Variants in TASP1 observed in about 807,000 individuals in gnomAD.
TASP1 encodes taspase 1, also known as threonine aspartase 1.
A neutral mutation model predicts 56.6 loss-of-function variants in TASP1; 16 were observed. The observed-to-expected ratio is 0.28, with a 90% confidence interval of 0.19 to 0.43. TASP1 has a LOEUF of 0.43. Among genes scored for constraint, TASP1 ranks in the 20% least tolerant of loss-of-function variants. The pLI is 1.00. For synonymous variants in TASP1, 179 were observed against 184.2 expected (o/e 0.97, Z 0.23); for missense variants, 393 against 511.6 (o/e 0.77, Z 2.24).
At chr20:13,370,017 TTA>T in the TASP1 span, among the ~76,000 whole-genome samples, 1 of 152,188 alleles carries the variant, frequency 6.6e-6, no homozygotes, top group Non-Finnish European at 1.5e-5. Context: ...AGTTCTGTTT[TTA>T]TTCTGCCTCA....
intron 8 of TASP1, among the ~76,000 whole-genome samples, chr20:13,547,115 A>G (rs2045835634): frequency 1.3e-5 from 2 of 152,214 alleles, no homozygotes; most frequent in South Asian, 4.1e-4. Context: ...GAGTAAAGGC[A>G]CTATTTCTAG....
At chr20:13,289,324 C>T in the TASP1 span, among the ~76,000 whole-genome samples, 1 of 152,188 alleles carries the variant, frequency 6.6e-6, no homozygotes, top group South Asian at 2.1e-4. Context: ...GGATGAGAGG[C>T]TTGACAACCA....
At chr20:13,124,784 G>C in the TASP1 span, among the ~76,000 whole-genome samples, 1 of 152,170 alleles carries the variant, frequency 6.6e-6, no homozygotes, top group Non-Finnish European at 1.5e-5. Context: ...ATACCTAAGA[G>C]AGATGGAAAA....
chr20:13,235,620 C>G, the TASP1 span, among the ~76,000 whole-genome samples: 2 of 152,186 alleles, frequency 1.3e-5, no homozygotes, highest in African/African-American at 4.8e-5. Flanking sequence ...ATGGGTTGCT[C>G]TGGCAGCACA....
chr20:13,365,766 G>T, the TASP1 span, among the ~76,000 whole-genome samples: 89 of 152,300 alleles, frequency 5.8e-4, no homozygotes, highest in African/African-American at 1.9e-3. Flanking sequence ...TCGACTGAAT[G>T]GAAAACCACT....
chr20:13,630,195 A>G (rs976824068), intron 1 of TASP1, 43 bp from the exon 2 acceptor site: 13 of 1,064,364 alleles, frequency 1.2e-5, no homozygotes, highest in Admixed American at 3.4e-5. Flanking sequence ...TCTTTCCACC[A>G]ACACATAAGT....
At chr20:13,399,698 C>T (rs2041666753) in intron 13 of TASP1, among the ~76,000 whole-genome samples, 2 of 152,212 alleles carry the variant, frequency 1.3e-5, no homozygotes, top group Admixed American at 6.5e-5. Context: ...ACCTTCCACC[C>T]GGCCTCCCTT....
chr20:13,484,739 A>G (rs1264544789), intron 10 of TASP1, among the ~76,000 whole-genome samples: 3 of 150,236 alleles, frequency 2.0e-5, no homozygotes, highest in Non-Finnish European at 2.9e-5. Context: ...TTCTCAAAAA[A>G]AAAAAAAAAA....
intron 4 of TASP1, among the ~76,000 whole-genome samples, chr20:13,609,987 A>G (rs1384454283): frequency 6.6e-6 from 1 of 152,216 alleles, no homozygotes; most frequent in Non-Finnish European, 1.5e-5. Flanking sequence ...TAAAAACATT[A>G]TTCTAAGCGA....
intron 10 of TASP1, among the ~76,000 whole-genome samples, chr20:13,515,840 C>A (rs2044507820): frequency 6.6e-6 from 1 of 152,016 alleles, no homozygotes; most frequent in Admixed American, 6.6e-5. Context: ...TTCATAGCAA[C>A]AAATTATCAA....
the TASP1 span, among the ~76,000 whole-genome samples, chr20:13,174,789 G>C: frequency 6.6e-6 from 1 of 151,870 alleles, no homozygotes; most frequent in African/African-American, 2.4e-5. Flanking sequence ...AAAATGTACA[G>C]GTCTCTTTGA....
At chr20:13,208,342 C>G in the TASP1 span, among the ~76,000 whole-genome samples, 1 of 152,150 alleles carries the variant, frequency 6.6e-6, no homozygotes, top group African/African-American at 2.4e-5. Context: ...AGTAGCATCC[C>G]TGTTATAGGA....
At chr20:13,594,494 T>C (rs1205274105) in intron 4 of TASP1, among the ~76,000 whole-genome samples, 5 of 152,092 alleles carry the variant, frequency 3.3e-5, no homozygotes, top group African/African-American at 1.2e-4. Context: ...GTTAGACAAA[T>C]GGCTAACTAG....
At chr20:13,250,477 T>C in the TASP1 span, among the ~76,000 whole-genome samples, 586 of 152,230 alleles carry the variant, frequency 3.8e-3, 5 homozygotes, top group Middle Eastern at 0.017. Flanking sequence ...TTTGTCCTCA[T>C]TGATTGGGCA....
chr20:13,511,875 G>T (rs568025877), intron 10 of TASP1, among the ~76,000 whole-genome samples: 1 of 151,182 alleles, frequency 6.6e-6, no homozygotes, highest in African/African-American at 2.4e-5. Context: ...TTGTCCTTGC[G>T]ATAGTTTGCT....
At chr20:13,252,742 C>T in the TASP1 span, among the ~76,000 whole-genome samples, 2 of 151,586 alleles carry the variant, frequency 1.3e-5, no homozygotes, top group East Asian at 1.9e-4. Context: ...GGCAACAGAG[C>T]GAGACTCTGT....
chr20:13,393,594 C>T (rs1267975034), intron 13 of TASP1: 4 of 998,860 alleles, frequency 4.0e-6, no homozygotes, highest in Non-Finnish European at 6.3e-6. Context: ...CCTTGTCAAG[C>T]TCATTTCCTG....
At chr20:13,436,627 T>C (rs551725636) in intron 11 of TASP1, among the ~76,000 whole-genome samples, 3 of 152,250 alleles carry the variant, frequency 2.0e-5, no homozygotes, top group African/African-American at 7.2e-5. Flanking sequence ...GGAAAGAGGC[T>C]ACACACTGAA....
chr20:13,435,154 C>T lies in TASP1; in HGVS notation c.986G>A (p.Ser329Asn). 6.3e-7 allele frequency: 1 copy of T among 1,596,196 alleles called. No homozygotes were observed. The highest frequency in any genetic ancestry group is 8.5e-7 in the Non-Finnish European group (1 of 1,171,050). ...LLETMQNKFI[S>N]SPFLASEDGV... Reference sequence around the variant, plus strand: ...ATCTTCACTGGCAAGGAAAGGTGAACCTAGGCAGAAAGGACTAGTAGTTAT... The same window carrying T: ...ATCTTCACTGGCAAGGAAAGGTGAATCTAGGCAGAAAGGACTAGTAGTTAT... Residue 329 changes from serine to asparagine, a missense_variant and splice_region_variant, in exon 12 of 14, where the codon AGT becomes AAT. Physicochemically the swap from Ser to Asn is conservative, Grantham distance 46. Coordinates refer to ENST00000337743, the MANE Select transcript of TASP1 (RefSeq NM_017714.3).
Sources: gnomAD v4.1 joint callset for allele counts (sites outside exome capture counted in the v4.1 genomes callset) on GRCh38, gnomAD v4.1.1 for gene constraint, MANE v1.5 for transcripts, NCBI Gene and HGNC (gene_info 2026-07-23, HGNC 2026-07-21) for gene names.